The following UBTD2 variants were observed in gnomAD, a reference collection of about 807,000 sequenced individuals.
UBTD2 encodes the protein ubiquitin domain containing 2.
Under a neutral mutation model 19.8 loss-of-function variants are expected in UBTD2, and 9 were observed. The ratio of observed to expected loss-of-function variants is 0.46; its 90% confidence interval spans 0.27 to 0.79. UBTD2 has a LOEUF of 0.79. Ranked by LOEUF, UBTD2 falls within the 30% of genes least tolerant of loss-of-function variation. UBTD2 has a pLI of 0.14. For missense variants in UBTD2, 250 were observed against 300.4 expected (o/e 0.83, Z 1.24); for synonymous variants, 98 against 103.9 (o/e 0.94, Z 0.35).
chr5:172,250,711 G>A (rs563490689), intron 1 of UBTD2, among the ~76,000 whole-genome samples: 1 of 151,986 alleles, frequency 6.6e-6, no homozygotes, highest in South Asian at 2.1e-4. Flanking sequence ...TAATTATATT[G>A]TGCTCATGAA....
At chr5:172,263,067 A>G (rs1755305208) in intron 1 of UBTD2, among the ~76,000 whole-genome samples, 1 of 151,964 alleles carries the variant, frequency 6.6e-6, no homozygotes, top group African/African-American at 2.4e-5. Context: ...CCCCCCAAGT[A>G]GCTGGGACTA....
chr5:172,282,785 A>C (rs1460041741), intron 1 of UBTD2, among the ~76,000 whole-genome samples: 1 of 152,210 alleles, frequency 6.6e-6, no homozygotes, highest in African/African-American at 2.4e-5. Flanking sequence ...ACCTATCCTC[A>C]GCACGCTTTT....
chr5:172,267,867 A>G (rs1466823078), intron 1 of UBTD2, among the ~76,000 whole-genome samples: 1 of 152,264 alleles, frequency 6.6e-6, no homozygotes, highest in Non-Finnish European at 1.5e-5. Context: ...TGGGAAGTCA[A>G]CTGACTTATT....
chr5:172,280,873 G>A lies in UBTD2; in HGVS notation c.70+2723C>T, dbSNP rs73317711. 6.3e-3 allele frequency among the ~76,000 whole-genome samples: 951 copies of A among 152,070 alleles called. 10 individuals carry two copies. The highest frequency in any genetic ancestry group is 0.022 in the African/African-American group (910 of 41,490). On this transcript the variant is annotated intron_variant, in intron 1 of 2. Coordinates refer to ENST00000393792, the MANE Select transcript of UBTD2 (RefSeq NM_152277.3). ...TTCCTTCAAAGAATACACCTAATAA[G>A]GAAGGTTTTATTGATATACACATAA...
At chr5:172,244,593 C>T (rs753659257) in intron 1 of UBTD2, among the ~76,000 whole-genome samples, 3 of 152,180 alleles carry the variant, frequency 2.0e-5, no homozygotes, top group South Asian at 2.1e-4. Flanking sequence ...CCACTGCGCC[C>T]GGCCCCTCCC....
chr5:172,263,255 C>T (rs1755308673), intron 1 of UBTD2, among the ~76,000 whole-genome samples: 1 of 152,102 alleles, frequency 6.6e-6, no homozygotes, highest in Non-Finnish European at 1.5e-5. Flanking sequence ...ATTATGTACC[C>T]ACTGCTTATA....
intron 1 of UBTD2, among the ~76,000 whole-genome samples, chr5:172,264,551 A>C (rs2113106068): frequency 9.5e-6 from 1 of 104,764 alleles, no homozygotes; most frequent in Non-Finnish European, 1.9e-5. Context: ...AAAAAAAAAA[A>C]TTAAAAAATT....
At chr5:172,233,094 C>T (rs1049396114) in intron 2 of UBTD2, among the ~76,000 whole-genome samples, 2 of 151,886 alleles carry the variant, frequency 1.3e-5, no homozygotes, top group South Asian at 4.2e-4. Flanking sequence ...GCCTGCTGGG[C>T]GACAGAGCAA....
At chr5:172,270,684 C>T (rs1166995567) in intron 1 of UBTD2, among the ~76,000 whole-genome samples, 2 of 152,056 alleles carry the variant, frequency 1.3e-5, no homozygotes, top group Non-Finnish European at 2.9e-5. Flanking sequence ...GATTTGAATA[C>T]TTGCAGCACA....
chr5:172,245,767 C>T (rs1284079858), intron 1 of UBTD2, among the ~76,000 whole-genome samples: 1 of 151,638 alleles, frequency 6.6e-6, no homozygotes, highest in Non-Finnish European at 1.5e-5. Context: ...TTTAGCCCCA[C>T]AGTAACCTAA....
intron 1 of UBTD2, among the ~76,000 whole-genome samples, chr5:172,263,213 G>A (rs577424026): frequency 4.6e-5 from 7 of 152,176 alleles, no homozygotes; most frequent in Non-Finnish European, 1.0e-4. Context: ...TTACAGGTGC[G>A]AGCCACAGTA....
At chr5:172,241,390 C>T (rs1581219956) in intron 1 of UBTD2, among the ~76,000 whole-genome samples, 1 of 128,064 alleles carries the variant, frequency 7.8e-6, no homozygotes, top group South Asian at 2.5e-4. Flanking sequence ...GCTTGGGTGA[C>T]AAGAATGAAA....
At chr5:172,254,830 T>C in intron 1 of UBTD2, 1 of 551,624 alleles carries the variant, frequency 1.8e-6, no homozygotes. Flanking sequence ...TTTTTTTCTC[T>C]GGTACAGGAT....
intron 2 of UBTD2, among the ~76,000 whole-genome samples, chr5:172,232,130 G>A (rs1354972734): frequency 6.6e-6 from 1 of 152,028 alleles, no homozygotes; most frequent in Non-Finnish European, 1.5e-5. Flanking sequence ...AAAATTAGCT[G>A]GGCCTGGTGG....
intron 2 of UBTD2, among the ~76,000 whole-genome samples, chr5:172,213,266 C>CA (rs1256500146): frequency 2.0e-4 from 30 of 152,172 alleles, no homozygotes; most frequent in Middle Eastern, 3.2e-3. Flanking sequence ...GCTGAGATTA[C>CA]AGGCATGAGC....
chr5:172,233,260 T>C (rs1326435694), intron 2 of UBTD2, among the ~76,000 whole-genome samples: 1 of 152,082 alleles, frequency 6.6e-6, no homozygotes, highest in Non-Finnish European at 1.5e-5. Flanking sequence ...ATTAAAACAA[T>C]GAAGGTACAA....
At chr5:172,282,080 T>C (rs538043844) in intron 1 of UBTD2, among the ~76,000 whole-genome samples, 2 of 152,324 alleles carry the variant, frequency 1.3e-5, no homozygotes, top group East Asian at 1.9e-4. Flanking sequence ...AAAATGCTTA[T>C]GACAATATTA....
intron 1 of UBTD2, among the ~76,000 whole-genome samples, chr5:172,282,700 G>A (rs1273859628): frequency 1.3e-5 from 2 of 152,096 alleles, no homozygotes; most frequent in Non-Finnish European, 2.9e-5. Context: ...CGTAACCAAA[G>A]GTCACTTAAA....
rs17074526 is a variant in UBTD2, at chr5:172,235,183, G to A, written c.71-825C>T. Among the ~76,000 whole-genome samples the A allele has an allele frequency of 4.4e-3, 664 of 152,244 alleles. 4 individuals carry two copies. The highest frequency in any genetic ancestry group is 0.015 in the African/African-American group (642 of 41,550). On this transcript the variant is annotated intron_variant, in intron 1 of 2. Transcript: ENST00000393792. ...ATCAGACTGTAAGAGCAGGATATGA[G>A]AGTCAAGAGACACCACGAAAGAGAG...
Sources: allele counts gnomAD v4.1 joint callset (sites outside exome capture counted in the v4.1 genomes callset), GRCh38; gene constraint gnomAD v4.1.1; transcripts MANE v1.5; gene names NCBI Gene and HGNC (gene_info 2026-07-23, HGNC 2026-07-21).